ANKFN1: variants seen among roughly 807,000 people sequenced by gnomAD.
ANKFN1 encodes the protein ankyrin repeat and fibronectin type-III domain-containing protein 1.
In ANKFN1, 74 loss-of-function variants were observed where a neutral mutation model predicts 108.7. The ratio of observed to expected loss-of-function variants is 0.68; its 90% CI spans 0.56 to 0.83. The LOEUF is 0.83. Among genes scored for constraint, ANKFN1 ranks in the 40% least tolerant of loss-of-function variants. ANKFN1 has a pLI of 0.00. For synonymous variants in ANKFN1, 547 were observed against 516.2 expected (o/e 1.06, Z -0.81); for missense variants, 1,505 against 1,382.3 (o/e 1.09, Z -1.41).
At chr17:56,201,201 G>A (rs908290150) in intron 1 of ANKFN1, among the ~76,000 whole-genome samples, 1 of 152,066 alleles carries the variant, frequency 6.6e-6, no homozygotes, top group African/African-American at 2.4e-5. Flanking sequence ...TACCTCTCAA[G>A]CACTCTCTCT....
chr17:56,509,723 G>C (rs542687154), intron 20 of ANKFN1, among the ~76,000 whole-genome samples: 2 of 152,178 alleles, frequency 1.3e-5, no homozygotes, highest in Non-Finnish European at 2.9e-5. Flanking sequence ...GAGCAAGTAC[G>C]CACATCATCT....
intron 2 of ANKFN1, among the ~76,000 whole-genome samples, chr17:56,223,551 TAGG>T (rs1453898443): frequency 6.6e-6 from 1 of 152,062 alleles, no homozygotes; most frequent in Non-Finnish European, 1.5e-5. Context: ...TCCAATACCG[TAGG>T]AGAAGCCATT....
At chr17:56,373,982 T>C (rs1321922134) in intron 7 of ANKFN1, among the ~76,000 whole-genome samples, 1 of 152,174 alleles carries the variant, frequency 6.6e-6, no homozygotes, top group South Asian at 2.1e-4. Context: ...CATCCACCCA[T>C]AAATTTTTTT....
chr17:56,309,780 TAATAA>T (rs1441101607), intron 3 of ANKFN1, among the ~76,000 whole-genome samples: 5 of 152,358 alleles, frequency 3.3e-5, no homozygotes, highest in South Asian at 2.1e-4. Context: ...CAATAACTAA[TAATAA>T]AATAGAATAC....
chr17:56,171,137 T>C (rs1313691156), intron 1 of ANKFN1, among the ~76,000 whole-genome samples: 1 of 151,910 alleles, frequency 6.6e-6, no homozygotes, highest in African/African-American at 2.4e-5. Flanking sequence ...ATGCATAACA[T>C]GGGAAATGGC....
chr17:56,103,402 G>A (rs1004727837), intron 4 of ANKFN1, among the ~76,000 whole-genome samples: 2 of 152,172 alleles, frequency 1.3e-5, no homozygotes, highest in Non-Finnish European at 2.9e-5. Context: ...CAGGAAAGTG[G>A]AACACAGCAG....
chr17:56,430,123 G>A (rs899814968), intron 8 of ANKFN1, among the ~76,000 whole-genome samples: 4 of 152,080 alleles, frequency 2.6e-5, no homozygotes. Context: ...AATGGACCAT[G>A]ATATTAAACC....
chr17:56,357,588 G>A (rs116777897), intron 6 of ANKFN1, among the ~76,000 whole-genome samples: 1,985 of 152,292 alleles, frequency 0.013, 44 homozygotes, highest in African/African-American at 0.044. Context: ...GGTGTCAGTC[G>A]TGTTGGAGAG....
At chr17:56,130,644 G>C (rs1199207574) in intron 4 of ANKFN1, among the ~76,000 whole-genome samples, 1 of 152,044 alleles carries the variant, frequency 6.6e-6, no homozygotes, top group Admixed American at 6.6e-5. Context: ...AGTCATGCAG[G>C]TTTACTGGAT....
At chr17:56,096,102 T>G (rs7214413) in intron 4 of ANKFN1, among the ~76,000 whole-genome samples, 22,988 of 152,186 alleles carry the variant, frequency 0.15, 1,816 homozygotes, top group Admixed American at 0.2. Context: ...TTAAAGAGAA[T>G]TTATGGACAG....
intron 1 of ANKFN1, among the ~76,000 whole-genome samples, chr17:56,164,053 A>C (rs1184476336): frequency 1.3e-5 from 2 of 152,180 alleles, no homozygotes; most frequent in Non-Finnish European, 2.9e-5. Flanking sequence ...ATGTGAGTCA[A>C]ACAGTAAAAA....
chr17:56,114,893 A>G (rs564549444), intron 4 of ANKFN1, among the ~76,000 whole-genome samples: 8 of 152,340 alleles, frequency 5.3e-5, no homozygotes, highest in Non-Finnish European at 8.8e-5. Context: ...TCAATCTGCC[A>G]TTGCTGGCTT....
chr17:56,307,675 C>T (rs2044873080), intron 3 of ANKFN1, among the ~76,000 whole-genome samples: 2 of 152,190 alleles, frequency 1.3e-5, no homozygotes, highest in South Asian at 4.1e-4. Flanking sequence ...TGTGGCGATT[C>T]CTCGGGGATC....
intron 3 of ANKFN1, among the ~76,000 whole-genome samples, chr17:56,239,632 T>C (rs1428673283): frequency 6.6e-6 from 1 of 152,142 alleles, no homozygotes; most frequent in Non-Finnish European, 1.5e-5. Flanking sequence ...GCCAATCTAT[T>C]TACTCTCCAG....
intron 4 of ANKFN1, among the ~76,000 whole-genome samples, chr17:56,143,889 C>T (rs1908074249): frequency 1.3e-5 from 2 of 152,134 alleles, no homozygotes; most frequent in African/African-American, 4.8e-5. Flanking sequence ...TGCAAAGTCT[C>T]CAGAAAGAAC....
intron 15 of ANKFN1, among the ~76,000 whole-genome samples, chr17:56,467,791 G>GA (rs11414270): frequency 0.11 from 5,729 of 53,010 alleles, 396 homozygotes; most frequent in African/African-American, 0.22. Flanking sequence ...AAGAAAGAAA[G>GA]AAGAAAGAAA....
intron 6 of ANKFN1, among the ~76,000 whole-genome samples, chr17:56,367,506 A>T (rs1184409414): frequency 6.6e-6 from 1 of 152,104 alleles, no homozygotes; most frequent in African/African-American, 2.4e-5. Flanking sequence ...GCCCACTCAG[A>T]AGCACTGGGA....
At chr17:56,315,816 G>A (rs1287999145) in intron 3 of ANKFN1, among the ~76,000 whole-genome samples, 1 of 152,224 alleles carries the variant, frequency 6.6e-6, no homozygotes, top group African/African-American at 2.4e-5. Flanking sequence ...GGAGTCTGAA[G>A]ACAGAAGAAC....
chr17:56,374,696 G>A lies in ANKFN1; in HGVS notation c.892G>A (p.Val298Ile), dbSNP rs751305382. 26 of 1,613,292 alleles carry A rather than the reference G, an allele frequency of 1.6e-5. No individual in the cohort carries two copies. Among genetic ancestry groups the A allele is most frequent in the East Asian group, 2.2e-5 (1 of 44,876 alleles). The change falls in exon 8 of 21, where the codon GTA becomes ATA. Residue 298 changes from valine (V) to isoleucine (I), a missense_variant. By Grantham distance (29) the Val-to-Ile change is conservative. Coordinates refer to ENST00000682825, the MANE Select transcript of ANKFN1 (RefSeq NM_001370326.1). ...FQEPLSVNAA[V>I]VTRYKVEWSM... is the part of the protein sequence containing the mutation. ...AGAGCCTCTTAGCGTCAATGCAGCT[G>A]TAGTAACCAGGTATAAAGGTACTGG... is the stretch of plus-strand genomic sequence containing the variant.
Sources: allele counts gnomAD v4.1 joint callset (sites outside exome capture counted in the v4.1 genomes callset), GRCh38; gene constraint gnomAD v4.1.1; transcripts MANE v1.5; gene names NCBI Gene and HGNC (gene_info 2026-07-23, HGNC 2026-07-21).